SLC25A6: variants seen among roughly 807,000 people sequenced by gnomAD.
The protein encoded by SLC25A6 is solute carrier family 25 member 6.
SLC25A6 carries 9 observed loss-of-function variants against 25.7 expected under a neutral mutation model. The observed-to-expected ratio is 0.35, with a 90% CI of 0.21 to 0.61. The LOEUF (loss-of-function observed/expected upper bound fraction) is 0.61. Ranked by LOEUF, SLC25A6 falls within the 20% of genes least tolerant of loss-of-function variation. The pLI, the probability that SLC25A6 is intolerant of heterozygous loss-of-function variation, is 0.76. For synonymous variants in SLC25A6, 223 were observed against 197.0 expected (o/e 1.13, Z -1.11); for missense variants, 404 against 440.5 (o/e 0.92, Z 0.74).
At chrX:1,391,295 C>G (rs5948920) in intron 1 of SLC25A6, among the ~76,000 whole-genome samples, 95,561 of 151,944 alleles carry the variant, frequency 0.63, 30,581 homozygotes, top group African/African-American at 0.71. Context: ...AGCTGTCACT[C>G]GGAGTACAAC....
intron 1 of SLC25A6, among the ~76,000 whole-genome samples, chrX:1,391,655 C>T (rs747694208): frequency 5.8e-4 from 88 of 152,368 alleles, no homozygotes; most frequent in African/African-American, 1.9e-3. Flanking sequence ...CGCGCATGCG[C>T]CCTCCAATCC....
At chrX:1,386,849 T>C (rs2089331711) in intron 3 of SLC25A6, 90 bp from the exon 4 acceptor site, 8 of 1,445,468 alleles carry the variant, frequency 5.5e-6, no homozygotes, top group Non-Finnish European at 7.5e-6. Context: ...TTCACAGAAA[T>C]AACACCCCAG....
At chrX:1,391,808 C>A in intron 1 of SLC25A6, 91 bp downstream of exon 1, 1 of 995,104 alleles carries the variant, frequency 1.0e-6, no homozygotes. Context: ...CCGGCGCCCG[C>A]CTGCAAGGCT....
intron 1 of SLC25A6, among the ~76,000 whole-genome samples, chrX:1,391,308 T>A: frequency 6.6e-6 from 1 of 152,160 alleles, no homozygotes; most frequent in East Asian, 1.9e-4. Context: ...AGTACAACGT[T>A]AGCAAGGACG....
At position 1,391,882 on chromosome X, in the gene SLC25A6, C is replaced by T. The variant is rs750167544; in HGVS notation, c.111+17G>A. 2.1e-5 allele frequency: 33 copies of T among 1,573,324 alleles called. No individual in the cohort carries two copies. The highest frequency in any genetic ancestry group is 2.8e-5 in the Non-Finnish European group (32 of 1,160,292). ...CCCGTCCCCTAGTCCCCGGAGCGGC[C>T]GCGCCCGCGTCCCCACCTGCAGCAG... On this transcript the variant is annotated intron_variant, in intron 1 of 3. Coordinates refer to ENST00000381401, the MANE Select transcript of SLC25A6 (RefSeq NM_001636.4).
intron 2 of SLC25A6, 61 bp from the exon 3 acceptor site, chrX:1,387,480 G>T (rs768118251): frequency 6.3e-7 from 1 of 1,595,446 alleles, no homozygotes; most frequent in East Asian, 2.2e-5. Flanking sequence ...GACCAGGGTC[G>T]GCCCCCAGGG....
chrX:1,388,329 G>A (rs2089355013), intron 2 of SLC25A6, among the ~76,000 whole-genome samples: 2 of 150,318 alleles, frequency 1.3e-5, no homozygotes, highest in Non-Finnish European at 2.9e-5. Context: ...AGCCTCAAAT[G>A]GACTAAGACA....
At chrX:1,386,792 C>T (rs747879317) in intron 3 of SLC25A6, 33 bp from the exon 4 acceptor site, 71 of 1,592,826 alleles carry the variant, frequency 4.5e-5, no homozygotes, top group Non-Finnish European at 5.5e-5. Flanking sequence ...AGGGCCTCGC[C>T]GCCAAGCTCT....
intron 1 of SLC25A6, among the ~76,000 whole-genome samples, chrX:1,390,802 C>A (rs1297828014): frequency 2.0e-5 from 3 of 150,188 alleles, no homozygotes; most frequent in Non-Finnish European, 4.4e-5. Context: ...GACACCCCGC[C>A]CTGCTAAGTT....
chrX:1,387,377 C>G lies in SLC25A6; in HGVS notation c.641G>C (p.Trp214Ser), dbSNP rs1396622468. 17 of 1,613,306 alleles carry G rather than the reference C, an allele frequency of 1.1e-5. No homozygotes were observed. Among genetic ancestry groups the G allele is most frequent in the Non-Finnish European group, 1.4e-5 (17 of 1,179,768 alleles). Residue 214 changes from tryptophan to serine, a missense_variant, in exon 3 of 4, where the codon TGG becomes TCG. Transcript: ENST00000381401. ...DPKNTHIVVS[W>S]MIAQTVTAVA... ...GGCCGTCACGGTCTGCGCGATCATCCAGCTCACCACGATGTGCGTGTTCTT... is the reference window on the plus strand; with the variant it reads ...GGCCGTCACGGTCTGCGCGATCATCGAGCTCACCACGATGTGCGTGTTCTT...
At position 1,386,569 on chromosome X, in the gene SLC25A6, G is replaced by A; in HGVS notation, c.*33C>T. On this transcript the variant is annotated 3_prime_UTR_variant, in exon 4 of 4. Coordinates refer to ENST00000381401, the MANE Select transcript of SLC25A6 (RefSeq NM_001636.4). ...CTACGTGGTTCTCTTGGTTCCCCTGGTGTGTGTGTGTGTGTGGAGGAGGCC... is the reference window on the plus strand; with the variant it reads ...CTACGTGGTTCTCTTGGTTCCCCTGATGTGTGTGTGTGTGTGGAGGAGGCC... 1 of 1,152,894 alleles carries A rather than the reference G, an allele frequency of 8.7e-7. No homozygotes were observed. The highest frequency in any genetic ancestry group is 1.7e-5 in the African/African-American group (1 of 59,920). The allele number at this position is 1,152,894 out of a possible 1,614,324, so 71.4% of individuals were successfully genotyped here. A position where few individuals can be genotyped will look rare whatever the true frequency, so the allele number is the denominator to read the frequency against.
Position 1,387,313 on chromosome X carries a change from C to T in SLC25A6, c.705G>A (p.Arg235=), listed in dbSNP as rs141436047. Residue 235 remains arginine (R), a synonymous_variant, in exon 3 of 4, where the codon CGG becomes CGA. Transcript: ENST00000381401. ...GCCCGGACTGCATCATCATGCGCCG[C>T]CGCACCGTGTCGAAGGGGTAGGACA... The part of the protein sequence containing the change: ...GVVSYPFDTV[R]RRMMMQSGRK... 13 of 1,613,212 alleles carry T rather than the reference C, an allele frequency of 8.1e-6. No individual in the cohort carries two copies. The Admixed American group carries it at 1.7e-4, about 21-fold the overall frequency.
Position 1,389,632 on chromosome X carries a change from G to A in SLC25A6, c.207C>T (p.Ser69=). 6.2e-7 allele frequency: 1 copy of A among 1,614,152 alleles called. No homozygotes were observed. ...CGTTGGCAAGGTTGCCCCTCCAGAA[G>A]GACAGCACGCCCTGCTCCTTGGGGA... ...VRIPKEQGVL[S]FWRGNLANVI... Residue 69 remains serine (S), a synonymous_variant, in exon 2 of 4, where the codon TCC becomes TCT. Transcript: ENST00000381401.
In SLC25A6 at chrX:1,386,745, T is replaced by C. The variant is rs764212380; in HGVS notation, c.754A>G (p.Thr252Ala). The C allele has an allele frequency of 1.9e-6, 3 of 1,604,012 alleles. No homozygotes were observed. The highest frequency in any genetic ancestry group is 1.1e-5 in the South Asian group (1 of 89,928). The stretch of plus-strand genomic sequence containing the variant: ...TTCCTCCAACAGTCGACGGTGCCCG[T>C]GTACATGATGTCAGCTGCAACGACA... ...SGRKGADIMYTGTVDCWRKIF... is the reference protein window; with the variant it reads ...SGRKGADIMYAGTVDCWRKIF... The change falls in exon 4 of 4, where the codon ACG (threonine) becomes GCG (alanine). Residue 252 changes from threonine (T) to alanine (A), a missense_variant. Thr to Ala is a moderately conservative substitution (Grantham distance 58, BLOSUM62 0). Transcript: ENST00000381401.
rs1198002630 is a variant in SLC25A6, at chrX:1,391,676, T to TC, written c.111+222dup. On this transcript the variant is annotated intron_variant, in intron 1 of 3. Coordinates refer to ENST00000381401, the MANE Select transcript of SLC25A6 (RefSeq NM_001636.4). ...TGCGCCCTCCAATCCGTGCCGCATT[T>TC]CCCCCCGCCCGCCGGGCCCAGTGCG... Among the ~76,000 whole-genome samples the TC allele has an allele frequency of 1.3e-4, 20 of 152,092 alleles. No individual in the cohort carries two copies. In the East Asian group the frequency reaches 2.3e-3, roughly 18 times the overall value.
intron 1 of SLC25A6, 123 bp downstream of exon 1, chrX:1,391,776 A>G: frequency 1.4e-6 from 1 of 700,918 alleles, no homozygotes; most frequent in Non-Finnish European, 2.3e-6. Context: ...CGCGTGGACA[A>G]AGCGATCGCG....
At chrX:1,389,753 C>G in intron 1 of SLC25A6, 26 bp from the exon 2 acceptor site, 1 of 1,605,856 alleles carries the variant, frequency 6.2e-7, no homozygotes, top group Non-Finnish European at 8.5e-7. Context: ...GGTGTTCAGA[C>G]CAGACCCAGG....
Position 1,392,104 on chromosome X carries a change from G to T in SLC25A6, c.-95C>A. The T allele has an allele frequency of 1.1e-6, 1 of 891,040 alleles. No individual in the cohort carries two copies. The highest frequency in any genetic ancestry group is 1.8e-6 in the Non-Finnish European group (1 of 563,848). 55.2% of individuals were successfully genotyped at this position (891,040 alleles called of 1,614,324 possible). A position where few individuals can be genotyped will look rare whatever the true frequency, so the allele number is the denominator to read the frequency against. The stretch of plus-strand genomic sequence containing the variant: ...GCTGGCTCAGCCCTGCCGCCGCCTG[G>T]ACCGAAAGGACGGAGCAGCCACCGC... On this transcript the variant is annotated 5_prime_UTR_variant, in exon 1 of 4. Transcript: ENST00000381401.
Position 1,387,272 on chromosome X carries a change from C to CT in SLC25A6, c.739+6_739+7insA, listed in dbSNP as rs371808894. The CT allele has an allele frequency of 5.0e-6, 8 of 1,610,702 alleles. No individual in the cohort carries two copies. In the African/African-American group the frequency reaches 1.1e-4, roughly 22 times the overall value. Reference sequence around the variant, plus strand: ...CGGCAGCAAGGGTCCCCCGCCCCCCCGAGTACCTCCTTTGCGCCCGGACTG... The same window carrying CT: ...CGGCAGCAAGGGTCCCCCGCCCCCCCTGAGTACCTCCTTTGCGCCCGGACTG... On this transcript the variant is annotated splice_region_variant and intron_variant, in intron 3 of 3. Transcript: ENST00000381401.
Sources: gnomAD v4.1 joint callset for allele counts (sites outside exome capture counted in the v4.1 genomes callset) on GRCh38, gnomAD v4.1.1 for gene constraint, MANE v1.5 for transcripts, NCBI Gene and HGNC (gene_info 2026-07-23, HGNC 2026-07-21) for gene names.